CYREN: variants seen among roughly 807,000 people sequenced by gnomAD.
CYREN encodes the protein cell cycle regulator of NHEJ.
In CYREN, 7 loss-of-function variants were observed where a neutral mutation model predicts 9.7. That is an observed-to-expected ratio of 0.72 (90% CI 0.41 to 1.36). The LOEUF (loss-of-function observed/expected upper bound fraction) is 1.36, where lower values mean the gene tolerates loss of function less well. CYREN is among the 40% of genes most tolerant of loss of function. CYREN has a pLI of 0.01. For missense variants in CYREN, 215 were observed against 198.1 expected, an observed-to-expected ratio of 1.09 and a Z score of -0.51; for synonymous variants, 76 against 77.9, an observed-to-expected ratio of 0.98 and a Z score of 0.13.
intron 2 of CYREN, among the ~76,000 whole-genome samples, chr7:135,120,642 A>T (rs4728352): frequency 0.48 from 73,349 of 151,674 alleles, 18,044 homozygotes; most frequent in South Asian, 0.65. Flanking sequence ...ACAGTTAAGG[A>T]CAGATTAACA....
At chr7:135,109,211 C>G (rs1004829177) in intron 2 of CYREN, among the ~76,000 whole-genome samples, 1 of 152,146 alleles carries the variant, frequency 6.6e-6, no homozygotes, top group African/African-American at 2.4e-5. Context: ...GTTAAGAACC[C>G]TGGTTGGAGA....
upstream of CYREN, among the ~76,000 whole-genome samples, chr7:135,171,070 C>G (rs1423860313): frequency 5.3e-5 from 8 of 152,262 alleles, no homozygotes; most frequent in East Asian, 1.3e-3. Context: ...GGCCAGGCCC[C>G]CCTCGTGTGC....
downstream of CYREN, chr7:135,164,705 C>A (rs572695038): frequency 6.2e-7 from 1 of 1,614,198 alleles, no homozygotes. Context: ...TTGGCGTGTA[C>A]GGGTCCCTGG....
chr7:135,106,721 G>A (rs1310046465), intron 2 of CYREN, among the ~76,000 whole-genome samples: 1 of 152,164 alleles, frequency 6.6e-6, no homozygotes, highest in Non-Finnish European at 1.5e-5. Context: ...GATAATGCTG[G>A]CTTCATAGAA....
chr7:135,115,721 TGTCA>T, intron 2 of CYREN: 1 of 878,650 alleles, frequency 1.1e-6, no homozygotes, highest in East Asian at 2.7e-5. Flanking sequence ...TTGAAAATGA[TGTCA>T]GCTCCATCAC....
At chr7:135,108,319 C>T (rs1318986881) in intron 2 of CYREN, among the ~76,000 whole-genome samples, 2 of 151,074 alleles carry the variant, frequency 1.3e-5, no homozygotes, top group African/African-American at 2.4e-5. Flanking sequence ...CACTGGTCTA[C>T]GTACTTAAGT....
intron 2 of CYREN, among the ~76,000 whole-genome samples, chr7:135,125,693 AC>A (rs1277556511): frequency 6.6e-6 from 1 of 152,244 alleles, no homozygotes; most frequent in East Asian, 1.9e-4. Context: ...AAACGTATCC[AC>A]CATGATGAAG....
chr7:135,094,956 G>A (rs762867471), intron 2 of CYREN, among the ~76,000 whole-genome samples: 1 of 152,174 alleles, frequency 6.6e-6, no homozygotes, highest in Non-Finnish European at 1.5e-5. Flanking sequence ...ATTGTTGAGA[G>A]CACAGATGTT....
upstream of CYREN, among the ~76,000 whole-genome samples, chr7:135,171,188 TAAC>T (rs1206793916): frequency 6.6e-6 from 1 of 152,002 alleles, no homozygotes; most frequent in Non-Finnish European, 1.5e-5. Flanking sequence ...GTAAGAGAAA[TAAC>T]AATAGCTAGA....
chr7:135,098,209 C>T (rs1166935194), intron 2 of CYREN, among the ~76,000 whole-genome samples: 1 of 152,146 alleles, frequency 6.6e-6, no homozygotes, highest in Non-Finnish European at 1.5e-5. Context: ...AGTCTAAATA[C>T]AGTCATCCCT....
Position 135,105,369 on chromosome 7 carries a change from C to G in CYREN, n.357-10787G>C, listed in dbSNP as rs1265409122. 2.0e-5 allele frequency among the ~76,000 whole-genome samples: 3 copies of G among 152,108 alleles called. No homozygotes were observed. In the East Asian group the frequency reaches 5.8e-4, roughly 29 times the overall value. ...ACAGGCATAGGCCACTGCGCCCAACCTACATTCAAGTTTTTAATCCATCTT... is the reference window on the plus strand; with the variant it reads ...ACAGGCATAGGCCACTGCGCCCAACGTACATTCAAGTTTTTAATCCATCTT... On this transcript the variant is annotated intron_variant and non_coding_transcript_variant, in intron 2 of 2. Coordinates refer to the CYREN transcript ENST00000459937.
chr7:135,116,187 C>T (rs1048452067), intron 2 of CYREN, among the ~76,000 whole-genome samples: 2 of 152,106 alleles, frequency 1.3e-5, no homozygotes, highest in African/African-American at 4.8e-5. Flanking sequence ...TATATGTATA[C>T]ACTTTACATT....
rs749089322 is a variant in CYREN, at chr7:135,166,631, G to A, written c.454C>T (p.Arg152Trp). 22 of 1,599,842 alleles carry A rather than the reference G, an allele frequency of 1.4e-5. No homozygotes were observed. Among genetic ancestry groups the A allele is most frequent in the East Asian group, 4.5e-5 (2 of 44,802 alleles). Residue 152 changes from arginine to tryptophan, a missense_variant, in exon 4 of 4, where the codon CGG (arginine) becomes TGG (tryptophan). Transcript: ENST00000393114. Reference sequence around the variant, plus strand: ...ATGCCCTAGCTGAAAAAGATCTCCCGGACGTATTTCAGCACATCCTCTTCC... The same window carrying A: ...ATGCCCTAGCTGAAAAAGATCTCCCAGACGTATTTCAGCACATCCTCTTCC... ...EEEEDVLKYV[R>W]EIFFS is the part of the protein sequence containing the mutation.
intron 2 of CYREN, among the ~76,000 whole-genome samples, chr7:135,159,903 G>C (rs1235562155): frequency 2.0e-5 from 3 of 152,158 alleles, no homozygotes; most frequent in Non-Finnish European, 4.4e-5. Flanking sequence ...GGGGAGGATG[G>C]GATGAGACAG....
At chr7:135,153,819 G>C (rs1284644333) in intron 2 of CYREN, among the ~76,000 whole-genome samples, 1 of 152,204 alleles carries the variant, frequency 6.6e-6, no homozygotes, top group Non-Finnish European at 1.5e-5. Flanking sequence ...CTGTGTCCTT[G>C]TCTGGTTTTT....
intron 2 of CYREN, among the ~76,000 whole-genome samples, chr7:135,110,059 T>C (rs767403371): frequency 6.6e-6 from 1 of 151,884 alleles, no homozygotes; most frequent in Non-Finnish European, 1.5e-5. Context: ...AAGGCAACAA[T>C]GGCTAGGGCT....
chr7:135,164,363 G>A (rs184296137), downstream of CYREN: 3 of 1,385,806 alleles, frequency 2.2e-6, no homozygotes, highest in East Asian at 4.6e-5. Flanking sequence ...GAGCTTGTCT[G>A]GACACAGGGA....
At chr7:135,135,097 G>C in intron 2 of CYREN, 1 of 1,551,164 alleles carries the variant, frequency 6.4e-7, no homozygotes, top group South Asian at 1.2e-5. Flanking sequence ...TTCAAGCTTT[G>C]GAATGGATGC....
intron 2 of CYREN, among the ~76,000 whole-genome samples, chr7:135,096,475 T>C (rs1271303306): frequency 1.4e-5 from 2 of 145,472 alleles, no homozygotes; most frequent in Non-Finnish European, 3.0e-5. Context: ...GAAGAACATA[T>C]ACAACTAGGA....
Sources: allele counts gnomAD v4.1 joint callset (sites outside exome capture counted in the v4.1 genomes callset), GRCh38; gene constraint gnomAD v4.1.1; transcripts MANE v1.5; gene names NCBI Gene and HGNC (gene_info 2026-07-23, HGNC 2026-07-21).